SGCD: variants seen among roughly 807,000 people sequenced by gnomAD.
SGCD encodes the protein delta-sarcoglycan.
SGCD carries 18 observed loss-of-function variants against 36.6 expected under a neutral mutation model. The observed-to-expected ratio is 0.49, with a 90% CI of 0.34 to 0.73. SGCD has a LOEUF of 0.73. SGCD is among the 30% of genes least tolerant of loss of function. The pLI, the probability that SGCD is intolerant of heterozygous loss-of-function variation, is 0.01. For missense variants in SGCD, 387 were observed against 346.7 expected, an observed-to-expected ratio of 1.12 and a Z score of -0.92; for synonymous variants, 133 against 130.6, an observed-to-expected ratio of 1.02 and a Z score of -0.12.
intron 7 of SGCD, among the ~76,000 whole-genome samples, chr5:156,695,134 G>GTT (rs1358502530): frequency 1.0e-4 from 12 of 114,566 alleles, no homozygotes; most frequent in African/African-American, 3.3e-4. Context: ...GTGTGTGTGT[G>GTT]TGTTTGTGTG....
chr5:156,299,749 G>A (rs1298509333), intron 3 of SGCD, among the ~76,000 whole-genome samples: 2 of 152,074 alleles, frequency 1.3e-5, no homozygotes, highest in African/African-American at 2.4e-5. Context: ...TTCACCGTTG[G>A]CATGTAAAAA....
At chr5:156,565,622 G>A (rs113932418) in intron 4 of SGCD, among the ~76,000 whole-genome samples, 3 of 152,012 alleles carry the variant, frequency 2.0e-5, no homozygotes, top group Non-Finnish European at 4.4e-5. Flanking sequence ...AGGTATATAC[G>A]TGCCATGGTG....
chr5:156,348,198 G>A (rs1435728889), intron 3 of SGCD, among the ~76,000 whole-genome samples: 3 of 152,062 alleles, frequency 2.0e-5, no homozygotes, highest in Non-Finnish European at 4.4e-5. Context: ...TCAATGAGAT[G>A]GCAGTAAAGC....
intron 3 of SGCD, among the ~76,000 whole-genome samples, chr5:156,454,737 G>A (rs1196673609): frequency 6.6e-6 from 1 of 152,138 alleles, no homozygotes; most frequent in African/African-American, 2.4e-5. Context: ...GGAGAGTTGA[G>A]TGTGGACTTG....
chr5:156,016,848 GT>G (rs1238553416), intron 1 of SGCD, among the ~76,000 whole-genome samples: 1 of 152,160 alleles, frequency 6.6e-6, no homozygotes, highest in Non-Finnish European at 1.5e-5. Flanking sequence ...TGTCTATGAT[GT>G]TGCAATAAAT....
At chr5:155,747,370 T>G in the SGCD span, among the ~76,000 whole-genome samples, 1 of 152,206 alleles carries the variant, frequency 6.6e-6, no homozygotes, top group Non-Finnish European at 1.5e-5. Context: ...TGGAATTGAT[T>G]GACTTTCAGA....
chr5:156,020,801 CA>C (rs113767649), intron 1 of SGCD, among the ~76,000 whole-genome samples: 10,082 of 152,182 alleles, frequency 0.066, 1,102 homozygotes, highest in African/African-American at 0.22. Context: ...GTTCTCATAA[CA>C]ACCCCTTGGA....
At chr5:156,215,163 G>GA (rs906074160) in intron 3 of SGCD, among the ~76,000 whole-genome samples, 2 of 151,896 alleles carry the variant, frequency 1.3e-5, no homozygotes, top group African/African-American at 4.8e-5. Context: ...ATTTCCAAAT[G>GA]AAAAAAATGA....
chr5:156,303,252 C>T (rs1767104997), intron 3 of SGCD, among the ~76,000 whole-genome samples: 2 of 152,090 alleles, frequency 1.3e-5, no homozygotes, highest in Non-Finnish European at 2.9e-5. Flanking sequence ...TTCCCATGGC[C>T]ACCACTGTCC....
At chr5:155,766,886 A>G in the SGCD span, among the ~76,000 whole-genome samples, 1 of 152,126 alleles carries the variant, frequency 6.6e-6, no homozygotes, top group Non-Finnish European at 1.5e-5. Context: ...TCCAGAGTCG[A>G]TGCTCTTAGT....
chr5:156,753,838 G>A (rs1011741534), intron 7 of SGCD, among the ~76,000 whole-genome samples: 1 of 152,142 alleles, frequency 6.6e-6, no homozygotes, highest in Non-Finnish European at 1.5e-5. Flanking sequence ...GACACGTGGG[G>A]ATTATGGGAA....
chr5:155,792,980 T>C, the SGCD span, among the ~76,000 whole-genome samples: 2 of 152,120 alleles, frequency 1.3e-5, no homozygotes, highest in Admixed American at 1.3e-4. Context: ...CTGTTCACAA[T>C]AGCAAAGTCA....
intron 1 of SGCD, among the ~76,000 whole-genome samples, chr5:156,019,772 A>G (rs1759058711): frequency 6.6e-6 from 1 of 152,228 alleles, no homozygotes; most frequent in Non-Finnish European, 1.5e-5. Flanking sequence ...GCCCTTTCTC[A>G]TGACCATCCA....
chr5:156,495,748 G>GATAAA (rs1756155060), intron 3 of SGCD, among the ~76,000 whole-genome samples: 1 of 152,150 alleles, frequency 6.6e-6, no homozygotes, highest in African/African-American at 2.4e-5. Context: ...TAAGATAAAT[G>GATAAA]AGTCTCCTCC....
chr5:156,167,669 T>A (rs1763245900), intron 3 of SGCD, among the ~76,000 whole-genome samples: 1 of 152,120 alleles, frequency 6.6e-6, no homozygotes, highest in Non-Finnish European at 1.5e-5. Context: ...CCCTCTCTTG[T>A]CGTGTGATAC....
intron 3 of SGCD, among the ~76,000 whole-genome samples, chr5:156,229,674 A>G (rs890840007): frequency 2.6e-5 from 4 of 152,094 alleles, no homozygotes; most frequent in Non-Finnish European, 5.9e-5. Flanking sequence ...TGAATTTCCC[A>G]GCTGTTCTTT....
chr5:156,261,812 C>T (rs886770279), intron 3 of SGCD, among the ~76,000 whole-genome samples: 2 of 151,962 alleles, frequency 1.3e-5, no homozygotes, highest in Non-Finnish European at 2.9e-5. Context: ...CCCTGTGTAG[C>T]CCCTAGGCTA....
rs373874140 is a variant in SGCD at position 156,016,458 on chromosome 5, A to G, written c.-281-101420A>G. Among the ~76,000 whole-genome samples, 6 of 152,282 alleles carry G rather than the reference A, an allele frequency of 3.9e-5. No individual in the cohort carries two copies. The South Asian group carries it at 8.3e-4, about 21-fold the overall frequency. On this transcript the variant is annotated intron_variant, in intron 1 of 9. Transcript: ENST00000517913. The stretch of plus-strand genomic sequence containing the variant: ...TAACAAGATTCCAAAAGTCAAAATT[A>G]TACCAAAAAAGTATTGAAAGGTTGT...
chr5:156,191,240 T>C (rs78047759), intron 3 of SGCD, among the ~76,000 whole-genome samples: 3,294 of 152,178 alleles, frequency 0.022, 61 homozygotes, highest in Non-Finnish European at 0.029. Flanking sequence ...TACAACTTAA[T>C]TGAAGATTCC....
Sources: allele counts gnomAD v4.1 joint callset (sites outside exome capture counted in the v4.1 genomes callset), GRCh38; gene constraint gnomAD v4.1.1; transcripts MANE v1.5; gene names NCBI Gene and HGNC (gene_info 2026-07-23, HGNC 2026-07-21).